Variants in KHDRBS2 observed in about 807,000 individuals in gnomAD.
KHDRBS2 encodes KH RNA binding domain containing, signal transduction associated 2.
KHDRBS2 carries 26 observed loss-of-function variants against 44.3 expected under a neutral mutation model. That is an observed-to-expected ratio of 0.59 (90% CI 0.43 to 0.81). KHDRBS2 has a LOEUF of 0.81. Ranked by LOEUF, KHDRBS2 falls within the 40% of genes least tolerant of loss-of-function variation. The pLI is 0.00. For synonymous variants in KHDRBS2, 194 were observed against 151.1 expected (o/e 1.28, Z -2.08); for missense variants, 476 against 433.1 (o/e 1.10, Z -0.88).
At chr6:61,743,777 C>G (rs1011783112) in intron 6 of KHDRBS2, among the ~76,000 whole-genome samples, 4 of 142,792 alleles carry the variant, frequency 2.8e-5, no homozygotes, top group East Asian at 2.3e-4. Flanking sequence ...GCTATCCCCC[C>G]CCTCCCCCCA....
chr6:62,263,220 A>G lies in KHDRBS2; in HGVS notation c.91+22638T>C, dbSNP rs566402018. ...CAGTGCTATGAAATTTTCACAAAAAATACCACTTACTTTCTAATTTTATAA... is the reference window on the plus strand; with the variant it reads ...CAGTGCTATGAAATTTTCACAAAAAGTACCACTTACTTTCTAATTTTATAA... On this transcript the variant is annotated intron_variant, in intron 1 of 8. Transcript: ENST00000281156. 4.6e-3 allele frequency among the ~76,000 whole-genome samples: 694 copies of G among 151,912 alleles called. 7 individuals are homozygous for G. The highest frequency in any genetic ancestry group is 0.016 in the African/African-American group (660 of 41,536).
the KHDRBS2 span, among the ~76,000 whole-genome samples, chr6:61,647,474 A>G: frequency 6.6e-6 from 1 of 152,158 alleles, no homozygotes; most frequent in East Asian, 1.9e-4. Flanking sequence ...ACAGAACTCC[A>G]ATGTTTGTTA....
intron 2 of KHDRBS2, among the ~76,000 whole-genome samples, chr6:62,089,474 G>C (rs1481150153): frequency 6.6e-6 from 1 of 152,110 alleles, no homozygotes; most frequent in Non-Finnish European, 1.5e-5. Context: ...CCCTTGGCTA[G>C]GAGAAGGAGT....
At chr6:61,687,988 C>T (rs1025009717) in intron 8 of KHDRBS2, among the ~76,000 whole-genome samples, 1 of 151,646 alleles carries the variant, frequency 6.6e-6, no homozygotes, top group Non-Finnish European at 1.5e-5. Context: ...CAGTTCTAGT[C>T]CCTGTCCTAT....
chr6:61,966,584 G>T (rs1235407506), intron 4 of KHDRBS2, among the ~76,000 whole-genome samples: 1 of 151,970 alleles, frequency 6.6e-6, no homozygotes, highest in Middle Eastern at 3.4e-3. Flanking sequence ...ACTTGACCAC[G>T]GAAAATACAA....
chr6:62,021,686 G>T (rs1010823230), intron 3 of KHDRBS2, among the ~76,000 whole-genome samples: 1 of 151,362 alleles, frequency 6.6e-6, no homozygotes, highest in African/African-American at 2.4e-5. Context: ...ACTCTATTTT[G>T]CCCAGGAAAA....
chr6:61,625,046 C>A, the KHDRBS2 span, among the ~76,000 whole-genome samples: 3 of 152,026 alleles, frequency 2.0e-5, no homozygotes, highest in African/African-American at 7.2e-5. Context: ...GAGGTGTTTG[C>A]TTTTACCGTA....
intron 3 of KHDRBS2, among the ~76,000 whole-genome samples, chr6:62,036,715 T>C (rs911334956): frequency 6.6e-6 from 1 of 152,072 alleles, no homozygotes; most frequent in Non-Finnish European, 1.5e-5. Context: ...ATGACCTTCA[T>C]GTTTATGTTT....
chr6:61,806,863 C>A (rs150107560), intron 6 of KHDRBS2, among the ~76,000 whole-genome samples: 20 of 152,012 alleles, frequency 1.3e-4, no homozygotes, highest in African/African-American at 4.1e-4. Flanking sequence ...TGATGTACAA[C>A]ATAAAGTTTT....
the KHDRBS2 span, among the ~76,000 whole-genome samples, chr6:61,595,997 A>T: frequency 3.3e-4 from 51 of 152,266 alleles, no homozygotes; most frequent in Admixed American, 9.2e-4. Context: ...TGGCTGTGAA[A>T]GGCAGGACCC....
chr6:62,167,619 G>A (rs1245547379), intron 2 of KHDRBS2, among the ~76,000 whole-genome samples: 2 of 152,052 alleles, frequency 1.3e-5, no homozygotes, highest in African/African-American at 4.8e-5. Flanking sequence ...ATTCACAAAT[G>A]AGGAGTTGGG....
intron 4 of KHDRBS2, among the ~76,000 whole-genome samples, chr6:61,913,760 T>C (rs189852795): frequency 6.6e-6 from 1 of 152,160 alleles, no homozygotes; most frequent in East Asian, 1.9e-4. Flanking sequence ...AGAGGTAATA[T>C]ATGAACTGAG....
chr6:61,981,194 C>A (rs763670303), intron 3 of KHDRBS2, among the ~76,000 whole-genome samples: 2 of 152,264 alleles, frequency 1.3e-5, no homozygotes, highest in South Asian at 2.1e-4. Context: ...ATTTAGCCAT[C>A]CTGGTGGTCT....
intron 1 of KHDRBS2, among the ~76,000 whole-genome samples, chr6:62,253,874 C>G (rs1563141061): frequency 2.0e-5 from 3 of 151,988 alleles, no homozygotes; most frequent in South Asian, 4.1e-4. Context: ...TCTGGTATAA[C>G]AGTGGAGAAT....
chr6:62,005,307 ATGT>A (rs1467211402), intron 3 of KHDRBS2, among the ~76,000 whole-genome samples: 1 of 152,060 alleles, frequency 6.6e-6, no homozygotes, highest in African/African-American at 2.4e-5. Context: ...ACATGAAAAG[ATGT>A]TATTATTAAC....
intron 8 of KHDRBS2, among the ~76,000 whole-genome samples, chr6:61,693,209 C>T (rs186721110): frequency 6.6e-6 from 1 of 152,192 alleles, no homozygotes; most frequent in East Asian, 1.9e-4. Context: ...CCTCAAATCA[C>T]TGCTCATCAT....
At chr6:61,638,098 T>G in the KHDRBS2 span, among the ~76,000 whole-genome samples, 3 of 152,104 alleles carry the variant, frequency 2.0e-5, no homozygotes, top group Non-Finnish European at 4.4e-5. Flanking sequence ...AATTTACAGA[T>G]TCAATGTCTT....
At chr6:62,123,143 G>A (rs1404785278) in intron 2 of KHDRBS2, among the ~76,000 whole-genome samples, 1 of 152,062 alleles carries the variant, frequency 6.6e-6, no homozygotes, top group African/African-American at 2.4e-5. Flanking sequence ...GTGAGAACAT[G>A]CGGTGTTTGG....
intron 6 of KHDRBS2, among the ~76,000 whole-genome samples, chr6:61,860,716 T>C (rs1796823857): frequency 6.6e-6 from 1 of 152,018 alleles, no homozygotes. Flanking sequence ...ATGGTTTCTC[T>C]TCCTTTGGGT....
Sources: gnomAD v4.1 joint callset for allele counts (sites outside exome capture counted in the v4.1 genomes callset) on GRCh38, gnomAD v4.1.1 for gene constraint, MANE v1.5 for transcripts, NCBI Gene and HGNC (gene_info 2026-07-23, HGNC 2026-07-21) for gene names.